Variants in SLC22A12 observed in about 807,000 individuals in gnomAD.
The protein encoded by SLC22A12 is organic anion transporter 4-like protein.
A neutral mutation model predicts 52.7 loss-of-function variants in SLC22A12; 56 were observed. The ratio of observed to expected loss-of-function variants is 1.06; its 90% CI spans 0.86 to 1.33. The LOEUF (loss-of-function observed/expected upper bound fraction) is 1.33, where lower values mean the gene tolerates loss of function less well. SLC22A12 is among the 40% of genes most tolerant of loss of function. The pLI is 0.00. For missense variants in SLC22A12, 683 were observed against 741.5 expected, an observed-to-expected ratio of 0.92 and a Z score of 0.92; for synonymous variants, 337 against 324.6, an observed-to-expected ratio of 1.04 and a Z score of -0.41.
chr11:64,600,330 C>G (rs754109680), intron 7 of SLC22A12, 37 bp from the exon 8 acceptor site: 1 of 1,494,152 alleles, frequency 6.7e-7, no homozygotes, highest in Non-Finnish European at 9.2e-7. Context: ...GATCTTGGGC[C>G]CCCCACCAAG....
Position 64,591,933 on chromosome 11 carries a change from T to C in SLC22A12, c.377T>C (p.Ile126Thr), listed in dbSNP as rs751808889. Residue 126 changes from isoleucine to threonine, a missense_variant, in exon 1 of 10, where the codon ATC becomes ACC. Ile to Thr is a moderately conservative substitution (Grantham distance 89). Transcript: ENST00000377574. ...CVDGWVYDRSIFTSTIVAKWN... is the reference protein window; with the variant it reads ...CVDGWVYDRSTFTSTIVAKWN... ...GATGGCTGGGTCTATGACCGCAGCATCTTCACCTCCACAATCGTGGCCAAG... is the reference window on the plus strand; with the variant it reads ...GATGGCTGGGTCTATGACCGCAGCACCTTCACCTCCACAATCGTGGCCAAG... 2.5e-6 allele frequency: 4 copies of C among 1,611,956 alleles called. No individual in the cohort carries two copies. Among genetic ancestry groups the C allele is most frequent in the Admixed American group, 1.7e-5 (1 of 60,016 alleles).
Position 64,593,643 on chromosome 11 carries a change from T to C in SLC22A12, c.670T>C (p.Trp224Arg), listed in dbSNP as rs1311201305. 4 of 1,613,946 alleles carry C rather than the reference T, an allele frequency of 2.5e-6. No individual in the cohort carries two copies. Among genetic ancestry groups the C allele is most frequent in the Non-Finnish European group, 3.4e-6 (4 of 1,180,024 alleles). The change falls in exon 4 of 10, where the codon TGG becomes CGG. Residue 224 changes from tryptophan (W) to arginine (R), a missense_variant. Trp to Arg is a moderately radical substitution (Grantham distance 101, BLOSUM62 -3). Transcript: ENST00000377574. ...MMNTGTLLMEWTAARARPLVM... is the reference protein window; with the variant it reads ...MMNTGTLLMERTAARARPLVM... ...ACTCGGTCTCCTTGCAGTGATGGAGTGGACGGCGGCACGGGCCCGACCCTT... is the reference window on the plus strand; with the variant it reads ...ACTCGGTCTCCTTGCAGTGATGGAGCGGACGGCGGCACGGGCCCGACCCTT...
intron 9 of SLC22A12, 102 bp downstream of exon 9, chr11:64,601,040 A>G: frequency 4.1e-6 from 6 of 1,446,312 alleles, no homozygotes; most frequent in South Asian, 1.2e-5. Context: ...AGGCGGAAGC[A>G]GAGGCCCAGA....
rs944407121 is a variant in SLC22A12 at position 64,599,730 on chromosome 11, C to T, written c.1125C>T (p.Gly375=). The part of the protein sequence containing the change: ...FGLALDLQAL[G]SNIFLLQMFI... Reference sequence around the variant, plus strand: ...TGGCCCTGGACCTGCAGGCCCTGGGCAGCAACATCTTCCTGCTCCAAATGT... The same window carrying T: ...TGGCCCTGGACCTGCAGGCCCTGGGTAGCAACATCTTCCTGCTCCAAATGT... Residue 375 remains glycine, a synonymous_variant, in exon 7 of 10, where the codon GGC becomes GGT. Coordinates refer to ENST00000377574, the MANE Select transcript of SLC22A12 (RefSeq NM_144585.4). 3 of 1,612,056 alleles carry T rather than the reference C, an allele frequency of 1.9e-6. No individual in the cohort carries two copies. The East Asian group carries it at 6.7e-5, about 36-fold the overall frequency.
chr11:64,600,466 C>T lies in SLC22A12; in HGVS notation c.1385C>T (p.Thr462Ile). 1 of 1,602,768 alleles carries T rather than the reference C, an allele frequency of 6.2e-7. No homozygotes were observed. Among genetic ancestry groups the T allele is most frequent in the Non-Finnish European group, 8.5e-7 (1 of 1,177,974 alleles). The change falls in exon 8 of 10, where the codon ACT (threonine) becomes ATT (isoleucine). Residue 462 changes from threonine to isoleucine, a missense_variant. By Grantham distance (89) the Thr-to-Ile change is moderately conservative. Coordinates refer to ENST00000377574, the MANE Select transcript of SLC22A12 (RefSeq NM_144585.4). Reference protein sequence around the residue: ...ITIYSSELFPTVLRMTAVGLG... With the variant: ...ITIYSSELFPIVLRMTAVGLG... ...ATCTACAGCAGCGAGCTCTTCCCCA[C>T]TGTGCTCAGGTGAGGCTGGGCCTGG...
chr11:64,596,188 T>G (rs1421847544), intron 4 of SLC22A12, among the ~76,000 whole-genome samples: 7 of 147,678 alleles, frequency 4.7e-5, no homozygotes, highest in Admixed American at 4.0e-4. Context: ...AATGGATGGA[T>G]GGATGGATGG....
chr11:64,598,036 GC>G (rs1292039999), intron 4 of SLC22A12, among the ~76,000 whole-genome samples: 3 of 152,164 alleles, frequency 2.0e-5, no homozygotes, highest in African/African-American at 7.2e-5. Context: ...GGAAGATGCA[GC>G]CATGGGGTGG....
chr11:64,599,596 C>CCCCCCCCCTTTTTT, intron 6 of SLC22A12, 80 bp from the exon 7 acceptor site: 2 of 693,514 alleles, frequency 2.9e-6, no homozygotes, highest in Admixed American at 2.8e-5. Context: ...CCTGAGCCCC[C>CCCCCCCCCTTTTTT]ACCGCCCATT....
At position 64,599,930 on chromosome 11, in the gene SLC22A12, TG is replaced by T. The variant is rs754267579; in HGVS notation, c.1285+47del. On this transcript the variant is annotated intron_variant, in intron 7 of 9. Coordinates refer to ENST00000377574, the MANE Select transcript of SLC22A12 (RefSeq NM_144585.4). ...CTGTACACCAGAGACTTCCCTACCT[TG>T]GGGGGGTCTCGGGCTGGGAACAGCA... The T allele has an allele frequency of 2.1e-5, 34 of 1,590,532 alleles. 1 individual carries two copies. Among genetic ancestry groups the T allele is most frequent in the African/African-American group, 1.8e-4 (13 of 74,110 alleles).
chr11:64,597,084 G>A (rs1398305786), intron 4 of SLC22A12, among the ~76,000 whole-genome samples: 4 of 152,122 alleles, frequency 2.6e-5, no homozygotes, highest in Admixed American at 6.5e-5. Context: ...AGGGCTTGAC[G>A]AACAACCTGG....
intron 4 of SLC22A12, among the ~76,000 whole-genome samples, chr11:64,596,020 TGGAATGGA>T (rs2039195212): frequency 7.5e-6 from 1 of 134,162 alleles, no homozygotes; most frequent in Non-Finnish European, 1.6e-5. Flanking sequence ...GATGGATGGA[TGGAATGGA>T]TGGATGGTTG....
chr11:64,592,954 G>C, intron 2 of SLC22A12, 72 bp downstream of exon 2: 1 of 1,405,128 alleles, frequency 7.1e-7, no homozygotes, highest in Non-Finnish European at 1.0e-6. Context: ...CTGGCCGACT[G>C]GCCCCAAACC....
At chr11:64,600,203 G>A (rs1053244981) in intron 7 of SLC22A12, among the ~76,000 whole-genome samples, 164 bp from the exon 8 acceptor site, 1 of 152,206 alleles carries the variant, frequency 6.6e-6, no homozygotes, top group Non-Finnish European at 1.5e-5. Flanking sequence ...AGCAGATTGT[G>A]GGTGTGGCCA....
Position 64,600,485 on chromosome 11 carries a change from G to C in SLC22A12, c.1394+10G>C, listed in dbSNP as rs1565141856. 1 of 1,589,236 alleles carries C rather than the reference G, an allele frequency of 6.3e-7. No individual in the cohort carries two copies. ...TCCCCACTGTGCTCAGGTGAGGCTG[G>C]GCCTGGGCTCCAGGAGAGGGGAGCC... On this transcript the variant is annotated intron_variant, in intron 8 of 9. Transcript: ENST00000377574.
In SLC22A12 at chr11:64,593,774, C is replaced by G; in HGVS notation, c.801C>G (p.Val267=). The G allele has an allele frequency of 6.2e-7, 1 of 1,610,002 alleles. No homozygotes were observed. The highest frequency in any genetic ancestry group is 8.5e-7 in the Non-Finnish European group (1 of 1,179,990). ...CACTGCTGCAGCTGGTGGTCTCGGT[C>G]CCCTTCTTCCTCTGCTTTTTGTACT... ...DWTLLQLVVS[V]PFFLCFLYSW... is the part of the protein sequence containing the mutation. Residue 267 remains valine, a synonymous_variant, in exon 4 of 10, where the codon GTC becomes GTG. Coordinates refer to ENST00000377574, the MANE Select transcript of SLC22A12 (RefSeq NM_144585.4).
At position 64,601,580 on chromosome 11, in the gene SLC22A12, C is replaced by G. The variant is rs749708475; in HGVS notation, c.*29C>G. ...CCTGGGGAACCTGCGATGGGACGGT[C>G]AGAGGAAGAGACTTCTTCTGTTCTC... On this transcript the variant is annotated 3_prime_UTR_variant, in exon 10 of 10. Coordinates refer to ENST00000377574, the MANE Select transcript of SLC22A12 (RefSeq NM_144585.4). 2 of 1,611,020 alleles carry G rather than the reference C, an allele frequency of 1.2e-6. No homozygotes were observed. Among genetic ancestry groups the G allele is most frequent in the Admixed American group, 3.3e-5 (2 of 59,930 alleles).
At position 64,600,436 on chromosome 11, in the gene SLC22A12, T is replaced by A. The variant is rs757694037; in HGVS notation, c.1355T>A (p.Ile452Asn). Residue 452 changes from isoleucine to asparagine, a missense_variant, in exon 8 of 10, where the codon ATC (isoleucine) becomes AAC (asparagine). By Grantham distance (149) the Ile-to-Asn change is moderately radical. Transcript: ENST00000377574. ...LGGVGAAFTC[I>N]TIYSSELFPT... is the part of the protein sequence containing the mutation. The stretch of plus-strand genomic sequence containing the variant: ...GGGGTGGGGGCTGCCTTCACCTGCA[T>A]CACCATCTACAGCAGCGAGCTCTTC... 6.2e-6 allele frequency: 10 copies of A among 1,608,196 alleles called. No homozygotes were observed. The Admixed American group carries it at 1.5e-4, about 24-fold the overall frequency.
Position 64,601,798 on chromosome 11 carries a change from C to G in SLC22A12, c.*247C>G. On this transcript the variant is annotated 3_prime_UTR_variant, in exon 10 of 10. Coordinates refer to ENST00000377574, the MANE Select transcript of SLC22A12 (RefSeq NM_144585.4). ...GGAGGTGACCCAGTGCACCATCACC[C>G]TGCCCTGCCCTCGTGGCTTCGGAGA... The G allele has an allele frequency of 4.0e-6, 2 of 498,702 alleles. No individual in the cohort carries two copies. The highest frequency in any genetic ancestry group is 2.0e-5 in the South Asian group (1 of 49,696). The allele number at this position is 498,702 out of a possible 1,614,324, so 30.9% of individuals were successfully genotyped here. A position where few individuals can be genotyped will look rare whatever the true frequency, so the allele number is the denominator to read the frequency against.
chr11:64,600,677 C>T, intron 8 of SLC22A12, 58 bp from the exon 9 acceptor site: 1 of 1,598,344 alleles, frequency 6.3e-7, no homozygotes, highest in Non-Finnish European at 8.5e-7. Flanking sequence ...GCCCGGCGTG[C>T]AGGATCAAGG....
Sources: allele counts gnomAD v4.1 joint callset (sites outside exome capture counted in the v4.1 genomes callset), GRCh38; gene constraint gnomAD v4.1.1; transcripts MANE v1.5; gene names NCBI Gene and HGNC (gene_info 2026-07-23, HGNC 2026-07-21).